The following USP7 variants were observed in gnomAD, a reference collection of about 807,000 sequenced individuals.
USP7 encodes the protein ubiquitin specific peptidase 7.
A neutral mutation model predicts 162.9 loss-of-function variants in USP7; 9 were observed. The observed-to-expected ratio is 0.06, with a 90% confidence interval of 0.03 to 0.10. The LOEUF (loss-of-function observed/expected upper bound fraction) is 0.10. USP7 is among the 10% of genes least tolerant of loss of function. USP7 has a pLI of 1.00. For missense variants in USP7, 715 were observed against 1,373.7 expected (o/e 0.52, Z 7.58); for synonymous variants, 562 against 475.9 (o/e 1.18, Z -2.35).
intron 15 of USP7, 132 bp from the exon 16 acceptor site, chr16:8,903,534 G>A: frequency 8.5e-7 from 1 of 1,180,084 alleles, no homozygotes; most frequent in African/African-American, 1.6e-5. Flanking sequence ...GAAGACCAAT[G>A]AAGAAAAACC....
At chr16:8,948,798 G>GA (rs1007296887) in intron 1 of USP7, among the ~76,000 whole-genome samples, 21 of 151,876 alleles carry the variant, frequency 1.4e-4, no homozygotes, top group Non-Finnish European at 2.4e-4. Flanking sequence ...CCCGTCTCTA[G>GA]AAAAAAAATA....
chr16:8,898,015 G>C (rs955006295), intron 25 of USP7, among the ~76,000 whole-genome samples: 1 of 151,998 alleles, frequency 6.6e-6, no homozygotes. Context: ...GGACTGCTCC[G>C]TTCACAGGCC....
At chr16:8,920,247 G>C in intron 5 of USP7, 112 bp downstream of exon 5, 1 of 908,190 alleles carries the variant, frequency 1.1e-6, no homozygotes, top group Non-Finnish European at 1.7e-6. Flanking sequence ...GGCAAGCGCA[G>C]AGAGGAGGCT....
chr16:8,923,811 T>C (rs1248335621), intron 2 of USP7, among the ~76,000 whole-genome samples: 2 of 152,094 alleles, frequency 1.3e-5, no homozygotes, highest in African/African-American at 4.8e-5. Flanking sequence ...GACCACGACA[T>C]GGGACTTGGG....
At chr16:8,908,243 G>T in intron 12 of USP7, 98 bp downstream of exon 12, 1 of 957,186 alleles carries the variant, frequency 1.0e-6, no homozygotes, top group Non-Finnish European at 1.6e-6. Flanking sequence ...TAAATCAGAT[G>T]TGGGACTGAA....
chr16:8,962,504 G>C (rs1460950263), intron 1 of USP7: 1 of 451,896 alleles, frequency 2.2e-6, no homozygotes, highest in Non-Finnish European at 4.5e-6. Flanking sequence ...TTCTGATGCA[G>C]GCAGCCATGT....
rs149180632 is a variant in USP7, at chr16:8,923,819, G to A, written c.185-406C>T. On this transcript the variant is annotated intron_variant, in intron 2 of 30. Transcript: ENST00000344836. ...GGGTAAAGACCACGACATGGGACTT[G>A]GGCTGACTTTACAGAGCACGGAACA... Among the ~76,000 whole-genome samples the A allele has an allele frequency of 1.4e-3, 217 of 152,306 alleles. 1 individual carries two copies. The highest frequency in any genetic ancestry group is 5.0e-3 in the African/African-American group (209 of 41,568).
At chr16:8,917,001 G>C in intron 7 of USP7, 25 bp downstream of exon 7, 1 of 1,528,948 alleles carries the variant, frequency 6.5e-7, no homozygotes, top group East Asian at 2.4e-5. Context: ...AAGCAGAATG[G>C]CAAAGGCAGA....
At chr16:8,950,703 T>G (rs1340174903) in intron 1 of USP7, among the ~76,000 whole-genome samples, 2 of 152,244 alleles carry the variant, frequency 1.3e-5, no homozygotes, top group African/African-American at 4.8e-5. Context: ...CTGGCTGCCC[T>G]GCATCCTGAA....
intron 1 of USP7, among the ~76,000 whole-genome samples, chr16:8,959,160 G>C (rs887101288): frequency 2.6e-5 from 4 of 152,168 alleles, no homozygotes; most frequent in African/African-American, 9.7e-5. Context: ...GGGCATGAAT[G>C]ACCTCCTTTA....
At chr16:8,946,787 C>T (rs985644837) in intron 1 of USP7, among the ~76,000 whole-genome samples, 7 of 152,246 alleles carry the variant, frequency 4.6e-5, no homozygotes, top group African/African-American at 1.7e-4. Context: ...GAAGGCTCCA[C>T]CTACAGAGCA....
chr16:8,916,961 A>T (rs1339498702), intron 7 of USP7, 65 bp downstream of exon 7: 2 of 1,431,974 alleles, frequency 1.4e-6, no homozygotes, highest in Admixed American at 5.6e-5. Flanking sequence ...TTCTCTACTC[A>T]CTTGTCCTAA....
At chr16:8,897,146 G>A in intron 25 of USP7, 47 bp from the exon 26 acceptor site, 3 of 1,410,762 alleles carry the variant, frequency 2.1e-6, no homozygotes, top group Non-Finnish European at 3.0e-6. Context: ...AAGCATAAAA[G>A]GTCTGCTACC....
rs10163394 is a variant in USP7 at position 8,914,974 on chromosome 16, C to T, written c.1078+280G>A. On this transcript the variant is annotated intron_variant, in intron 10 of 30. Coordinates refer to ENST00000344836, the MANE Select transcript of USP7 (RefSeq NM_003470.3). ...CTACAAGGTTCTATTTAAACAGACACCTAAAACATGCAAAGTTAACCCAGG... is the reference window on the plus strand; with the variant it reads ...CTACAAGGTTCTATTTAAACAGACATCTAAAACATGCAAAGTTAACCCAGG... Among the ~76,000 whole-genome samples the T allele has an allele frequency of 1.9e-3, 296 of 152,294 alleles. 1 individual carries two copies. Among genetic ancestry groups the T allele is most frequent in the Middle Eastern group, 6.8e-3 (2 of 294 alleles).
chr16:8,936,765 A>C (rs1898760640), intron 1 of USP7: 2 of 1,319,878 alleles, frequency 1.5e-6, no homozygotes, highest in Non-Finnish European at 1.9e-6. Context: ...TTAGGACCAG[A>C]AACATTCAAG....
chr16:8,930,021 A>C (rs997489479), intron 2 of USP7, among the ~76,000 whole-genome samples: 2 of 152,246 alleles, frequency 1.3e-5, no homozygotes. Flanking sequence ...CAGTGGCTGG[A>C]GACCTGCAGG....
chr16:8,933,621 T>A (rs1261203677), intron 1 of USP7, among the ~76,000 whole-genome samples: 1 of 151,460 alleles, frequency 6.6e-6, no homozygotes, highest in Non-Finnish European at 1.5e-5. Context: ...TGCGCTATCA[T>A]TTTTTTTTCC....
intron 1 of USP7, among the ~76,000 whole-genome samples, chr16:8,941,034 A>T (rs1332400113): frequency 1.3e-5 from 2 of 152,166 alleles, no homozygotes; most frequent in South Asian, 2.1e-4. Context: ...CTCAAGGTTC[A>T]CCTTCCAGCC....
At chr16:8,939,617 G>A (rs1173723168) in intron 1 of USP7, among the ~76,000 whole-genome samples, 4 of 152,222 alleles carry the variant, frequency 2.6e-5, no homozygotes, top group African/African-American at 4.8e-5. Context: ...CCTTCCCTGA[G>A]TGCTAACATG....
Sources: gnomAD v4.1 joint callset for allele counts (sites outside exome capture counted in the v4.1 genomes callset) on GRCh38, gnomAD v4.1.1 for gene constraint, MANE v1.5 for transcripts, NCBI Gene and HGNC (gene_info 2026-07-23, HGNC 2026-07-21) for gene names.